TRDN: variants seen among roughly 807,000 people sequenced by gnomAD.
TRDN encodes triadin in skeletal muscle.
Under a neutral mutation model 149.7 loss-of-function variants are expected in TRDN, and 161 were observed. That is an observed-to-expected ratio of 1.08 (90% CI 0.95 to 1.23). The LOEUF (loss-of-function observed/expected upper bound fraction) is 1.23. Among genes scored for constraint, TRDN ranks in the 50% most tolerant of loss-of-function variants. The probability of loss-of-function intolerance (pLI) is 0.00; values close to 1 mark genes in which losing one functional copy is unlikely to be tolerated. For missense variants in TRDN, 896 were observed against 823.5 expected (o/e 1.09, Z -1.08); for synonymous variants, 294 against 250.5 (o/e 1.17, Z -1.64).
At chr6:123,391,380 T>G (rs1175124082) in intron 13 of TRDN, among the ~76,000 whole-genome samples, 1 of 152,072 alleles carries the variant, frequency 6.6e-6, no homozygotes, top group African/African-American at 2.4e-5. Flanking sequence ...TTTCCTTTGT[T>G]TCTTTTGATA....
intron 12 of TRDN, among the ~76,000 whole-genome samples, chr6:123,401,640 G>A (rs1477717964): frequency 6.6e-6 from 1 of 152,028 alleles, no homozygotes; most frequent in East Asian, 1.9e-4. Flanking sequence ...TAAGGAGGCA[G>A]GATATAGACA....
chr6:123,262,379 G>T (rs1328363137), intron 33 of TRDN, among the ~76,000 whole-genome samples: 1 of 151,656 alleles, frequency 6.6e-6, no homozygotes, highest in Admixed American at 6.6e-5. Flanking sequence ...TTTTTGTTTT[G>T]TTTTGGTTTT....
At chr6:123,462,168 A>C (rs935792853) in intron 10 of TRDN, 3 of 152,216 alleles carry the variant, frequency 2.0e-5, no homozygotes, top group African/African-American at 7.2e-5. Context: ...AATAAGAGTC[A>C]AAGGAAATAA....
intron 12 of TRDN, among the ~76,000 whole-genome samples, chr6:123,416,672 C>A (rs1185033950): frequency 2.0e-5 from 3 of 151,520 alleles, no homozygotes; most frequent in African/African-American, 7.3e-5. Flanking sequence ...AAAACTTTGT[C>A]TCCTTGTCAC....
At chr6:123,523,005 T>C (rs1433382606) in intron 5 of TRDN, among the ~76,000 whole-genome samples, 1 of 152,008 alleles carries the variant, frequency 6.6e-6, no homozygotes, top group African/African-American at 2.4e-5. Flanking sequence ...ACAAACATAG[T>C]TCCCTCCCTC....
intron 23 of TRDN, among the ~76,000 whole-genome samples, chr6:123,320,127 A>AT (rs71272329): frequency 0.15 from 22,651 of 151,692 alleles, 1,817 homozygotes; most frequent in South Asian, 0.22. Flanking sequence ...AATATCATAG[A>AT]TTTTTTTCTC....
intron 12 of TRDN, among the ~76,000 whole-genome samples, chr6:123,412,576 T>C (rs368133715): frequency 6.3e-4 from 96 of 152,300 alleles, no homozygotes; most frequent in African/African-American, 2.1e-3. Flanking sequence ...CATTGTGGTA[T>C]AGCTGCCTGG....
At chr6:123,523,134 A>G (rs1327284906) in intron 5 of TRDN, among the ~76,000 whole-genome samples, 1 of 152,186 alleles carries the variant, frequency 6.6e-6, no homozygotes, top group Non-Finnish European at 1.5e-5. Flanking sequence ...GAAGAACAGC[A>G]GTGGGGACTT....
intron 24 of TRDN, among the ~76,000 whole-genome samples, chr6:123,282,939 A>G (rs911529071): frequency 1.3e-4 from 19 of 151,904 alleles, no homozygotes; most frequent in African/African-American, 4.6e-4. Flanking sequence ...TAAGTCCATT[A>G]AAGTTTAATA....
intron 24 of TRDN, among the ~76,000 whole-genome samples, chr6:123,307,081 C>T (rs1468131148): frequency 6.6e-6 from 1 of 151,908 alleles, no homozygotes; most frequent in Non-Finnish European, 1.5e-5. Context: ...AGGTGGAAAA[C>T]ATTGTCTAAT....
rs1391990096 is a variant in TRDN at position 123,548,661 on chromosome 6, CA to C, written c.233-50del. 3.1e-5 allele frequency: 40 copies of C among 1,288,356 alleles called. No individual in the cohort carries two copies. The East Asian group carries it at 1.2e-3, about 38-fold the overall frequency. The allele number at this position is 1,288,356 out of a possible 1,614,324, so 79.8% of individuals were successfully genotyped here. A position where few individuals can be genotyped will look rare whatever the true frequency, so the allele number is the denominator to read the frequency against. On this transcript the variant is annotated intron_variant, in intron 2 of 40. Coordinates refer to ENST00000334268, the MANE Select transcript of TRDN (RefSeq NM_006073.4). Reference sequence around the variant, plus strand: ...AAAAGAAAAAGTTTGTGATCATTTCCAAATAACTTAAGAAAAGCTGTTTTTA... The same window carrying C: ...AAAAGAAAAAGTTTGTGATCATTTCCAATAACTTAAGAAAAGCTGTTTTTA...
At chr6:123,283,985 C>CATATATATATATATATATATATATAT (rs57419103) in intron 24 of TRDN, among the ~76,000 whole-genome samples, 1,385 of 56,586 alleles carry the variant, frequency 0.024, 166 homozygotes, top group African/African-American at 0.036. Flanking sequence ...CAACATGGCA[C>CATATATATATATATATATATATATAT]ATATATATAT....
intron 31 of TRDN, among the ~76,000 whole-genome samples, chr6:123,268,600 C>A (rs929445187): frequency 3.9e-5 from 6 of 151,914 alleles, no homozygotes; most frequent in African/African-American, 1.4e-4. Context: ...TCCTTTCTTT[C>A]CCTCACTCTT....
chr6:123,418,047 G>T (rs1773728895), intron 12 of TRDN, among the ~76,000 whole-genome samples: 2 of 152,030 alleles, frequency 1.3e-5, no homozygotes, highest in Non-Finnish European at 2.9e-5. Context: ...ACTCATCCAG[G>T]ACTGGGTAAG....
At chr6:123,556,074 T>C (rs1025954024) in intron 2 of TRDN, among the ~76,000 whole-genome samples, 9 of 152,180 alleles carry the variant, frequency 5.9e-5, no homozygotes, top group African/African-American at 1.9e-4. Flanking sequence ...TCAGACTGAG[T>C]AATCAGATTG....
chr6:123,608,985 C>T (rs955546762), intron 1 of TRDN, among the ~76,000 whole-genome samples: 1 of 151,716 alleles, frequency 6.6e-6, no homozygotes, highest in African/African-American at 2.4e-5. Flanking sequence ...CCAGCCTGGC[C>T]AACATGGTGA....
intron 10 of TRDN, among the ~76,000 whole-genome samples, chr6:123,446,214 T>C (rs371622172): frequency 0.14 from 20,421 of 145,972 alleles, 1,965 homozygotes; most frequent in African/African-American, 0.29. Context: ...GGAAGGGGAA[T>C]ATCACACTCT....
At chr6:123,480,581 C>A (rs2114768128) in intron 9 of TRDN, among the ~76,000 whole-genome samples, 1 of 151,996 alleles carries the variant, frequency 6.6e-6, no homozygotes, top group East Asian at 1.9e-4. Flanking sequence ...GTATTACTTT[C>A]CAGAGATCCA....
intron 9 of TRDN, among the ~76,000 whole-genome samples, chr6:123,496,086 A>G (rs6922387): frequency 0.83 from 121,445 of 146,238 alleles, 50,612 homozygotes; most frequent in East Asian, 0.88. Context: ...AATATAATAT[A>G]TTAATATATA....
Sources: allele counts gnomAD v4.1 joint callset (sites outside exome capture counted in the v4.1 genomes callset), GRCh38; gene constraint gnomAD v4.1.1; transcripts MANE v1.5; gene names NCBI Gene and HGNC (gene_info 2026-07-23, HGNC 2026-07-21).